The following ZBTB7C variants were observed in gnomAD, a reference collection of about 807,000 sequenced individuals.
The protein encoded by ZBTB7C is zinc finger and BTB domain containing 7C.
In ZBTB7C, 8 loss-of-function variants were observed where a neutral mutation model predicts 25.7. The observed-to-expected ratio is 0.31, with a 90% CI of 0.18 to 0.56. ZBTB7C has a LOEUF of 0.56. ZBTB7C is among the 20% of genes least tolerant of loss of function. The probability of loss-of-function intolerance (pLI) is 0.91; values close to 1 mark genes in which losing one functional copy is unlikely to be tolerated. For missense variants in ZBTB7C, 824 were observed against 855.2 expected (o/e 0.96, Z 0.46); for synonymous variants, 394 against 369.0 (o/e 1.07, Z -0.78).
At chr18:48,063,135 C>T (rs1163512188) in intron 3 of ZBTB7C, among the ~76,000 whole-genome samples, 1 of 152,220 alleles carries the variant, frequency 6.6e-6, no homozygotes, top group Non-Finnish European at 1.5e-5. Flanking sequence ...CAGGACTTTC[C>T]TGGTTGAAGC....
Position 48,097,382 on chromosome 18 carries a change from G to GTTGTTGTTATTA in ZBTB7C, c.-16-56260_-16-56259insTAATAACAACAA, listed in dbSNP as rs10651143. ...AAAGACAACTTTTATTATTGTTGTT[G>GTTGTTGTTATTA]TTATTATTATTATTATTATTATTAT... is the stretch of plus-strand genomic sequence containing the variant. On this transcript the variant is annotated intron_variant, in intron 3 of 4. Coordinates refer to ENST00000590800, the MANE Select transcript of ZBTB7C (RefSeq NM_001318841.2). Among the ~76,000 whole-genome samples the GTTGTTGTTATTA allele has an allele frequency of 1.1e-3, 161 of 144,964 alleles. 1 individual carries two copies. Among genetic ancestry groups the GTTGTTGTTATTA allele is most frequent in the South Asian group, 2.7e-3 (12 of 4,368 alleles).
At chr18:48,247,052 C>T (rs1178123252) in intron 2 of ZBTB7C, among the ~76,000 whole-genome samples, 4 of 152,174 alleles carry the variant, frequency 2.6e-5, no homozygotes, top group Non-Finnish European at 4.4e-5. Context: ...ATATGCTACA[C>T]CACATCAAGA....
intron 1 of ZBTB7C, among the ~76,000 whole-genome samples, chr18:48,408,969 C>T (rs540180109): frequency 2.8e-4 from 42 of 150,768 alleles, no homozygotes; most frequent in African/African-American, 9.9e-4. Context: ...GGCTGCCGCA[C>T]GGAGCCCCTG....
Position 48,040,915 on chromosome 18 carries a change from C to T in ZBTB7C, c.193G>A (p.Ala65Thr). 1 of 1,614,194 alleles carries T rather than the reference C, an allele frequency of 6.2e-7. No homozygotes were observed. ...TAGGGCTGGCTGGCTAGGGTGCCGG[C>T]TGTGAAAAGCTTCTTGAAGTACTTG... is the stretch of plus-strand genomic sequence containing the variant. ...CSKYFKKLFT[A>T]GTLASQPYVY... Residue 65 changes from alanine to threonine, a missense_variant, in exon 4 of 5, where the codon GCC (alanine) becomes ACC (threonine). This residue lies in a region of ZBTB7C where 117 missense variants were observed against 167.7 expected (regional missense o/e 0.70). Coordinates refer to ENST00000590800, the MANE Select transcript of ZBTB7C (RefSeq NM_001318841.2).
At chr18:48,251,973 G>C (rs747769059) in intron 2 of ZBTB7C, among the ~76,000 whole-genome samples, 12 of 152,066 alleles carry the variant, frequency 7.9e-5, no homozygotes, top group Admixed American at 6.5e-5. Flanking sequence ...AATTTCTCTG[G>C]TGTGAGATGA....
At chr18:48,253,404 C>A (rs1013802238) in intron 2 of ZBTB7C, among the ~76,000 whole-genome samples, 3 of 152,138 alleles carry the variant, frequency 2.0e-5, no homozygotes, top group African/African-American at 4.8e-5. Flanking sequence ...ATAGGTGAAA[C>A]AACAGTTTTC....
intron 1 of ZBTB7C, chr18:48,364,150 T>C (rs1403645612): frequency 6.6e-6 from 1 of 152,212 alleles, no homozygotes; most frequent in Non-Finnish European, 1.5e-5. Context: ...TGCCCAATAC[T>C]CACTTGTCTC....
intron 1 of ZBTB7C, among the ~76,000 whole-genome samples, chr18:48,362,196 C>G (rs1010833150): frequency 7.2e-5 from 11 of 152,216 alleles, no homozygotes; most frequent in African/African-American, 2.4e-4. Flanking sequence ...AGGTCCCTTT[C>G]AGTTGCCAAG....
At chr18:48,367,347 CATATATATATAT>C (rs58569472) in intron 1 of ZBTB7C, among the ~76,000 whole-genome samples, 4 of 44,810 alleles carry the variant, frequency 8.9e-5, no homozygotes, top group African/African-American at 2.3e-4. Context: ...TATATGTGTG[CATATATATATAT>C]ATATATATAT....
rs1008115460 is a variant in ZBTB7C at position 48,029,022 on chromosome 18, A to C, written c.*238T>G. 5 of 545,928 alleles carry C rather than the reference A, an allele frequency of 9.2e-6. No individual in the cohort carries two copies. Among genetic ancestry groups the C allele is most frequent in the Non-Finnish European group, 1.5e-5 (5 of 325,970 alleles). The allele number at this position is 545,928 out of a possible 1,614,324, so 33.8% of individuals were successfully genotyped here. A position where few individuals can be genotyped will look rare whatever the true frequency, so the allele number is the denominator to read the frequency against. ...AAGTTTCTATATGAGAGCCAGAGAG[A>C]CAGGGAGGGAGGCCCGGGCTCCTGG... On this transcript the variant is annotated 3_prime_UTR_variant, in exon 5 of 5. Transcript: ENST00000590800.
At position 48,186,403 on chromosome 18, in the gene ZBTB7C, T is replaced by C. The variant is rs371662467; in HGVS notation, c.-78-408A>G. 2.4e-3 allele frequency among the ~76,000 whole-genome samples: 362 copies of C among 152,380 alleles called. 1 individual carries two copies. Among genetic ancestry groups the C allele is most frequent in the Non-Finnish European group, 4.2e-3 (286 of 68,042 alleles). On this transcript the variant is annotated intron_variant, in intron 2 of 4. Coordinates refer to ENST00000590800, the MANE Select transcript of ZBTB7C (RefSeq NM_001318841.2). ...CCTCACAGCACAGGGCATCTCCTTG[T>C]ACAGCTGCCTGCATCTTAACAATCT...
At chr18:48,397,044 A>G (rs1388991869) in intron 1 of ZBTB7C, among the ~76,000 whole-genome samples, 1 of 152,242 alleles carries the variant, frequency 6.6e-6, no homozygotes, top group Non-Finnish European at 1.5e-5. Flanking sequence ...ATATTGGTCA[A>G]TGAATAAAAA....
Position 48,029,246 on chromosome 18 carries a change from C to G in ZBTB7C, c.*14G>C, listed in dbSNP as rs375493554. On this transcript the variant is annotated 3_prime_UTR_variant, in exon 5 of 5. Transcript: ENST00000590800. Reference sequence around the variant, plus strand: ...GACTGGAGGGCTGGTGGGCTGGAGCCGACAGGGACCAGCCTAGTTGTTGGC... The same window carrying G: ...GACTGGAGGGCTGGTGGGCTGGAGCGGACAGGGACCAGCCTAGTTGTTGGC... 1 of 1,531,178 alleles carries G rather than the reference C, an allele frequency of 6.5e-7. No homozygotes were observed. The highest frequency in any genetic ancestry group is 2.0e-5 in the Admixed American group (1 of 49,248). The allele number at this position is 1,531,178 out of a possible 1,614,324, so 94.8% of individuals were successfully genotyped here. A position where few individuals can be genotyped will look rare whatever the true frequency, so the allele number is the denominator to read the frequency against.
At chr18:48,138,598 G>C (rs2040245826) in intron 3 of ZBTB7C, among the ~76,000 whole-genome samples, 1 of 152,066 alleles carries the variant, frequency 6.6e-6, no homozygotes, top group South Asian at 2.1e-4. Flanking sequence ...GGATGTGGTG[G>C]GGAGAGGCTG....
rs1174147887 is a variant in ZBTB7C at position 48,276,346 on chromosome 18, T to C, written c.-79+61828A>G. Among the ~76,000 whole-genome samples the C allele has an allele frequency of 5.9e-5, 9 of 151,416 alleles. No individual in the cohort carries two copies. The South Asian group carries it at 1.7e-3, about 28-fold the overall frequency. On this transcript the variant is annotated intron_variant, in intron 2 of 4. Transcript: ENST00000590800. ...TTAAGTTTTAGGGTACATGTGCACA[T>C]TGTGCAGGTTAGATACATATGTATA...
At chr18:48,299,069 A>C (rs1457477611) in intron 2 of ZBTB7C, among the ~76,000 whole-genome samples, 1 of 152,252 alleles carries the variant, frequency 6.6e-6, no homozygotes, top group South Asian at 2.1e-4. Flanking sequence ...AGAGGTCCCA[A>C]CCCTGATGGG....
Position 48,178,294 on chromosome 18 carries a change from G to GCTCAGGGAGGGCAT in ZBTB7C, c.-17+7626_-17+7639dup, listed in dbSNP as rs140699884. Among the ~76,000 whole-genome samples the GCTCAGGGAGGGCAT allele has an allele frequency of 7.9e-5, 12 of 152,066 alleles. 1 individual carries two copies. The highest frequency in any genetic ancestry group is 6.2e-4 in the South Asian group (3 of 4,818). On this transcript the variant is annotated intron_variant, in intron 3 of 4. Transcript: ENST00000590800. The stretch of plus-strand genomic sequence containing the variant: ...TGCACGGGAGGCCCCACATTGCCAT[G>GCTCAGGGAGGGCAT]CTCAGGGAGGGCATCTCAGGGAGGG...
At chr18:48,368,806 A>AAAGAAAAGAACTATCCACCCAG (rs57505551) in intron 1 of ZBTB7C, among the ~76,000 whole-genome samples, 4 of 151,970 alleles carry the variant, frequency 2.6e-5, no homozygotes, top group Non-Finnish European at 5.9e-5. Flanking sequence ...GTGTGAAAAG[A>AAAGAAAAGAACTATCCACCCAG]AATCCTATTT....
intron 2 of ZBTB7C, among the ~76,000 whole-genome samples, chr18:48,259,642 G>A (rs751278304): frequency 5.3e-5 from 8 of 152,132 alleles, no homozygotes; most frequent in South Asian, 2.1e-4. Context: ...CACATATCTG[G>A]AGTATATAAC....
Sources: gnomAD v4.1 joint callset for allele counts (sites outside exome capture counted in the v4.1 genomes callset) on GRCh38, gnomAD v4.1.1 for gene constraint, gnomAD v4.1.1 regional missense constraint, MANE v1.5 for transcripts, NCBI Gene and HGNC (gene_info 2026-07-23, HGNC 2026-07-21) for gene names.